PAPPA: variants seen among roughly 807,000 people sequenced by gnomAD.
PAPPA encodes the protein pappalysin 1.
PAPPA carries 60 observed loss-of-function variants against 164.0 expected under a neutral mutation model. That is an observed-to-expected ratio of 0.37 (90% CI 0.30 to 0.45). PAPPA has a LOEUF of 0.45. Among genes scored for constraint, PAPPA ranks in the 20% least tolerant of loss-of-function variants. The pLI is 1.00. For synonymous variants in PAPPA, 875 were observed against 814.1 expected, an observed-to-expected ratio of 1.07 and a Z score of -1.27; for missense variants, 1,782 against 2,087.3, an observed-to-expected ratio of 0.85 and a Z score of 2.85.
At position 116,353,097 on chromosome 9, in the gene PAPPA, A is replaced by G. The variant is rs148431650; in HGVS notation, c.4175+181A>G. ...ATATTAGCTTTGGGTCAAACAGAAC[A>G]AACTTTAAGTTTCAGCTTGGCTGCC... On this transcript the variant is annotated intron_variant, in intron 16 of 21. Coordinates refer to ENST00000328252, the MANE Select transcript of PAPPA (RefSeq NM_002581.5). Among the ~76,000 whole-genome samples the G allele has an allele frequency of 4.1e-3, 625 of 152,286 alleles. 4 individuals are homozygous for G. The highest frequency in any genetic ancestry group is 0.015 in the African/African-American group (603 of 41,516).
At chr9:116,213,272 T>C (rs191206147) in intron 4 of PAPPA, among the ~76,000 whole-genome samples, 17 of 152,326 alleles carry the variant, frequency 1.1e-4, no homozygotes, top group African/African-American at 3.1e-4. Flanking sequence ...AAGGTTTCTG[T>C]GATCCCCAGT....
intron 7 of PAPPA, among the ~76,000 whole-genome samples, chr9:116,237,675 A>C (rs963824146): frequency 6.6e-6 from 1 of 151,406 alleles, no homozygotes; most frequent in Admixed American, 6.6e-5. Flanking sequence ...CCGATGCCTC[A>C]ACTTTGCATG....
intron 13 of PAPPA, among the ~76,000 whole-genome samples, chr9:116,343,906 G>A (rs1588012692): frequency 1.3e-5 from 2 of 151,948 alleles, no homozygotes; most frequent in Middle Eastern, 3.4e-3. Flanking sequence ...GATTACAGGC[G>A]CCTGCCACCA....
At chr9:116,182,578 C>T (rs916504298) in intron 1 of PAPPA, among the ~76,000 whole-genome samples, 8 of 152,114 alleles carry the variant, frequency 5.3e-5, no homozygotes, top group African/African-American at 1.9e-4. Context: ...CCCCTAATGC[C>T]CAGAGTATTC....
At chr9:116,253,970 G>T (rs921396078) in intron 7 of PAPPA, among the ~76,000 whole-genome samples, 4 of 151,876 alleles carry the variant, frequency 2.6e-5, no homozygotes, top group African/African-American at 9.7e-5. Context: ...TACCTAAATG[G>T]TCTTCCACCA....
chr9:116,250,043 GTGTGTGT>G (rs1844842196), intron 7 of PAPPA, among the ~76,000 whole-genome samples: 7 of 149,858 alleles, frequency 4.7e-5, no homozygotes, highest in East Asian at 3.9e-4. Context: ...GTGTGTGTGT[GTGTGTGT>G]GTTTGGAGCA....
chr9:116,373,177 G>A (rs913152588), intron 19 of PAPPA: 9 of 152,150 alleles, frequency 5.9e-5, no homozygotes, highest in Non-Finnish European at 8.8e-5. Context: ...TGGAGGGGAA[G>A]CCCATAGACA....
At position 116,265,849 on chromosome 9, in the gene PAPPA, T is replaced by C. The variant is rs1179649048; in HGVS notation, c.2733-8T>C. The stretch of plus-strand genomic sequence containing the variant: ...ATTGTATAATTATGTCTTCTTTGTA[T>C]TTTCCAGGGATCTAAATCTTGGCAG... On this transcript the variant is annotated splice_polypyrimidine_tract_variant and splice_region_variant and intron_variant, in intron 7 of 21. Coordinates refer to ENST00000328252, the MANE Select transcript of PAPPA (RefSeq NM_002581.5). The C allele has an allele frequency of 1.9e-6, 3 of 1,588,696 alleles. No individual in the cohort carries two copies. Among genetic ancestry groups the C allele is most frequent in the African/African-American group, 1.3e-5 (1 of 74,428 alleles).
intron 10 of PAPPA, among the ~76,000 whole-genome samples, chr9:116,308,797 C>T (rs1457784075): frequency 2.0e-5 from 3 of 152,342 alleles, no homozygotes; most frequent in Non-Finnish European, 4.4e-5. Flanking sequence ...CATTCTTTCA[C>T]CCATTGCCCT....
chr9:116,187,228 G>C lies in PAPPA; in HGVS notation c.490G>C (p.Asp164His). Residue 164 changes from aspartate to histidine, a missense_variant, in exon 2 of 22, where the codon GAC becomes CAC. Asp to His is a moderately conservative substitution (Grantham distance 81). Coordinates refer to ENST00000328252, the MANE Select transcript of PAPPA (RefSeq NM_002581.5). This position sits in a 1 kb window ranked among gnomAD's most constrained non-coding sequence, Gnocchi z 4.2. ...GGGCATTCACACCATCAGTGACCAA[G>C]ACAACAAAGACCCACGCTACTTTTT... ...VVGIHTISDQ[D>H]NKDPRYFFSL... 6.2e-7 allele frequency: 1 copy of C among 1,614,134 alleles called. No homozygotes were observed. The highest frequency in any genetic ancestry group is 1.6e-4 in the Middle Eastern group (1 of 6,062).
Position 116,377,696 on chromosome 9 carries a change from G to GTTGTTA in PAPPA, c.4677+63_4677+68dup, listed in dbSNP as rs763642599. ...TCAGTTCCCTGGAAATAATCCTGCTGTTGTTATTGTTATTGTTATATTAAT... is the reference window on the plus strand; with the variant it reads ...TCAGTTCCCTGGAAATAATCCTGCTGTTGTTATTGTTATTGTTATTGTTATATTAAT... On this transcript the variant is annotated intron_variant, in intron 20 of 21. Coordinates refer to ENST00000328252, the MANE Select transcript of PAPPA (RefSeq NM_002581.5). The GTTGTTA allele has an allele frequency of 6.8e-6, 9 of 1,318,932 alleles. No homozygotes were observed. The South Asian group carries it at 8.3e-5, about 12-fold the overall frequency. 81.7% of individuals were successfully genotyped at this position (1,318,932 alleles called of 1,614,324 possible).
chr9:116,236,203 A>G (rs1844663356), intron 7 of PAPPA, among the ~76,000 whole-genome samples: 1 of 152,126 alleles, frequency 6.6e-6, no homozygotes, highest in Admixed American at 6.6e-5. Context: ...GTTCAAACCC[A>G]TTTGATCCTT....
chr9:116,258,552 AG>A (rs769258982), intron 7 of PAPPA, among the ~76,000 whole-genome samples: 151 of 151,968 alleles, frequency 9.9e-4, no homozygotes, highest in East Asian at 8.1e-3. Flanking sequence ...GCTACTGGGA[AG>A]GCTGAGGCAG....
At chr9:116,251,271 A>C (rs993362682) in intron 7 of PAPPA, among the ~76,000 whole-genome samples, 1 of 152,196 alleles carries the variant, frequency 6.6e-6, no homozygotes. Flanking sequence ...CATGGGTTTC[A>C]GAATTGAGGG....
At chr9:116,285,118 G>T (rs770215814) in intron 9 of PAPPA, among the ~76,000 whole-genome samples, 124 of 144,054 alleles carry the variant, frequency 8.6e-4, no homozygotes, top group Non-Finnish European at 1.5e-3. Flanking sequence ...CCCAGGATTT[G>T]CTTTTCTTTT....
chr9:116,241,908 T>C (rs2118759889), intron 7 of PAPPA, among the ~76,000 whole-genome samples: 1 of 152,282 alleles, frequency 6.6e-6, no homozygotes, highest in Middle Eastern at 3.4e-3. Flanking sequence ...TTTATAGCTC[T>C]TTCCGTTTCT....
chr9:116,377,458 G>A (rs1296273721), intron 19 of PAPPA, 118 bp from the exon 20 acceptor site: 2 of 652,838 alleles, frequency 3.1e-6, no homozygotes, highest in Admixed American at 2.8e-5. Flanking sequence ...AAAAGCCAGG[G>A]TGAGGTCAGG....
chr9:116,388,958 A>G (rs1385485481), intron 21 of PAPPA, among the ~76,000 whole-genome samples: 1 of 152,170 alleles, frequency 6.6e-6, no homozygotes, highest in African/African-American at 2.4e-5. Context: ...TCATTGGTCT[A>G]AGAAGGCTAG....
Position 116,398,821 on chromosome 9 carries a change from G to A in PAPPA, c.*2205G>A. 1 of 383,116 alleles carries A rather than the reference G, an allele frequency of 2.6e-6. No individual in the cohort carries two copies. Among genetic ancestry groups the A allele is most frequent in the Non-Finnish European group, 5.1e-6 (1 of 194,238 alleles). 23.7% of individuals were successfully genotyped at this position (383,116 alleles called of 1,614,324 possible). On this transcript the variant is annotated 3_prime_UTR_variant, in exon 22 of 22. Coordinates refer to ENST00000328252, the MANE Select transcript of PAPPA (RefSeq NM_002581.5). ...GACCATTACTTCACTATAATTACAA[G>A]GACAAATTATTAGCAAGAAATAAGA...
Sources: allele counts gnomAD v4.1 joint callset (sites outside exome capture counted in the v4.1 genomes callset), GRCh38; gene constraint gnomAD v4.1.1; non-coding constraint Gnocchi (gnomAD v3.1); transcripts MANE v1.5; gene names NCBI Gene and HGNC (gene_info 2026-07-23, HGNC 2026-07-21).